GMDS: variants seen among roughly 807,000 people sequenced by gnomAD.
GMDS encodes GDP-mannose 4,6 dehydratase.
A neutral mutation model predicts 49.9 loss-of-function variants in GMDS; 20 were observed. That is an observed-to-expected ratio of 0.40 (90% CI 0.28 to 0.58). The LOEUF is 0.58. Among genes scored for constraint, GMDS ranks in the 20% least tolerant of loss-of-function variants. GMDS has a pLI of 0.42. For synonymous variants in GMDS, 177 were observed against 178.6 expected, an observed-to-expected ratio of 0.99 and a Z score of 0.07; for missense variants, 362 against 481.4, an observed-to-expected ratio of 0.75 and a Z score of 2.32.
At chr6:1,827,641 TA>T (rs1466558639) in intron 7 of GMDS, among the ~76,000 whole-genome samples, 4 of 152,312 alleles carry the variant, frequency 2.6e-5, no homozygotes, top group Non-Finnish European at 4.4e-5. Flanking sequence ...GAATTGCACA[TA>T]TTTTTTTTGG....
chr6:1,868,604 G>T lies in GMDS; in HGVS notation c.771+61499C>A, dbSNP rs150488941. Among the ~76,000 whole-genome samples, 707 of 152,302 alleles carry T rather than the reference G, an allele frequency of 4.6e-3. 4 individuals carry two copies. The highest frequency in any genetic ancestry group is 0.016 in the African/African-American group (668 of 41,566). ...TTTAATAATTTTTAGTATTCTTTAA[G>T]AATTTTACAGATGAAAAATTTTATC... is the stretch of plus-strand genomic sequence containing the variant. On this transcript the variant is annotated intron_variant, in intron 7 of 10. Coordinates refer to ENST00000380815, the MANE Select transcript of GMDS (RefSeq NM_001500.4).
At chr6:1,816,540 G>C (rs1770678742) in intron 7 of GMDS, among the ~76,000 whole-genome samples, 1 of 152,146 alleles carries the variant, frequency 6.6e-6, no homozygotes, top group Non-Finnish European at 1.5e-5. Flanking sequence ...ATCCAAAGAG[G>C]TAATATGGAA....
chr6:2,085,299 A>G (rs1772947704), intron 4 of GMDS, among the ~76,000 whole-genome samples: 2 of 151,544 alleles, frequency 1.3e-5, no homozygotes, highest in Non-Finnish European at 2.9e-5. Flanking sequence ...TTTCTCACTT[A>G]TTTTTTTCTT....
At chr6:2,099,178 T>A (rs1296033043) in intron 4 of GMDS, among the ~76,000 whole-genome samples, 1 of 152,170 alleles carries the variant, frequency 6.6e-6, no homozygotes, top group Non-Finnish European at 1.5e-5. Context: ...AATGGTCTAT[T>A]ATTATACAAA....
chr6:1,624,098 CCGCAGCGCGTCTGCACCGGA>C lies in GMDS; in HGVS notation c.*51_*70del. 7.2e-7 allele frequency: 1 copy of C among 1,392,378 alleles called. No individual in the cohort carries two copies. Among genetic ancestry groups the C allele is most frequent in the Middle Eastern group, 1.8e-4 (1 of 5,590 alleles). 86.3% of individuals were successfully genotyped at this position (1,392,378 alleles called of 1,614,324 possible). On this transcript the variant is annotated 3_prime_UTR_variant, in exon 11 of 11. Coordinates refer to ENST00000380815, the MANE Select transcript of GMDS (RefSeq NM_001500.4). ...CAGATTGGCACGCCGCTCCCCATCC[CCGCAGCGCGTCTGCACCGGA>C]GACTCTGCGGGGATTGTAGCCGGAG...
intron 7 of GMDS, among the ~76,000 whole-genome samples, chr6:1,901,394 G>GT (rs1225054261): frequency 6.6e-6 from 1 of 152,108 alleles, no homozygotes; most frequent in Non-Finnish European, 1.5e-5. Context: ...CATTAGGTCT[G>GT]TTAAGTCAGC....
chr6:2,181,170 A>G (rs1262690985), intron 1 of GMDS, among the ~76,000 whole-genome samples: 1 of 129,752 alleles, frequency 7.7e-6, no homozygotes, highest in East Asian at 2.1e-4. Flanking sequence ...GCGAGACTCC[A>G]TCTCAAAAAA....
intron 4 of GMDS, among the ~76,000 whole-genome samples, chr6:2,063,988 C>T (rs1771353709): frequency 1.3e-5 from 2 of 152,072 alleles, no homozygotes; most frequent in Admixed American, 1.3e-4. Context: ...AACTACATGC[C>T]CAAGTGTCGG....
chr6:1,882,499 A>G (rs1466947101), intron 7 of GMDS, among the ~76,000 whole-genome samples: 3 of 152,226 alleles, frequency 2.0e-5, no homozygotes, highest in Non-Finnish European at 4.4e-5. Context: ...AGTTAATTAC[A>G]AGATTCCATA....
At chr6:2,202,104 G>A (rs1054752648) in intron 1 of GMDS, among the ~76,000 whole-genome samples, 41 of 144,354 alleles carry the variant, frequency 2.8e-4, no homozygotes, top group Admixed American at 4.9e-4. Flanking sequence ...ATGCACATCC[G>A]AGATGTAACC....
chr6:1,940,286 T>G (rs1762760789), intron 6 of GMDS, among the ~76,000 whole-genome samples: 1 of 152,270 alleles, frequency 6.6e-6, no homozygotes. Context: ...TGCTCAATAC[T>G]TCATCCAAAA....
chr6:2,059,392 T>C (rs1460983009), intron 4 of GMDS, among the ~76,000 whole-genome samples: 1 of 152,042 alleles, frequency 6.6e-6, no homozygotes, highest in East Asian at 1.9e-4. Context: ...TAGAAAATTA[T>C]TCACTTATTT....
intron 1 of GMDS, among the ~76,000 whole-genome samples, chr6:2,234,800 A>G (rs1406210800): frequency 6.6e-6 from 1 of 152,192 alleles, no homozygotes; most frequent in African/African-American, 2.4e-5. Context: ...AAAAAAAGAG[A>G]AAGCATTGAA....
chr6:1,947,570 G>T (rs1023993138), intron 6 of GMDS, among the ~76,000 whole-genome samples: 1 of 152,116 alleles, frequency 6.6e-6, no homozygotes, highest in Non-Finnish European at 1.5e-5. Flanking sequence ...TACCCTCATG[G>T]GCTGGTTATC....
chr6:1,679,387 C>T (rs565852182), intron 9 of GMDS: 1 of 152,282 alleles, frequency 6.6e-6, no homozygotes, highest in South Asian at 2.1e-4. Flanking sequence ...TTAGAGGTGA[C>T]AACATCCTTA....
intron 9 of GMDS, among the ~76,000 whole-genome samples, chr6:1,721,680 A>G (rs4959149): frequency 0.29 from 44,560 of 151,752 alleles, 6,995 homozygotes; most frequent in African/African-American, 0.38. Flanking sequence ...TGGATTGACC[A>G]TTTGATGTGG....
At chr6:1,692,396 GCTGA>G (rs1168633577) in intron 9 of GMDS, among the ~76,000 whole-genome samples, 2 of 152,170 alleles carry the variant, frequency 1.3e-5, no homozygotes, top group African/African-American at 4.8e-5. Flanking sequence ...TCTAGAGAAT[GCTGA>G]CTAATACAGG....
intron 9 of GMDS, among the ~76,000 whole-genome samples, chr6:1,704,496 G>A (rs903542005): frequency 1.3e-5 from 2 of 152,156 alleles, no homozygotes; most frequent in Admixed American, 1.3e-4. Flanking sequence ...GCAAAAGGAG[G>A]AAATCAGCAA....
rs1330840690 is a variant in GMDS, at chr6:2,182,520, T to C, written c.103-57789A>G. ...ACAGGCTGACTCTCTTGTTTGGGAC[T>C]AATCAGCTGACTTATGTGAGCCAGT... On this transcript the variant is annotated intron_variant, in intron 1 of 10. Transcript: ENST00000380815. Among the ~76,000 whole-genome samples the C allele has an allele frequency of 3.3e-5, 5 of 152,252 alleles. No homozygotes were observed. In the South Asian group the frequency reaches 8.3e-4, roughly 25 times the overall value.
Sources: allele counts gnomAD v4.1 joint callset (sites outside exome capture counted in the v4.1 genomes callset), GRCh38; gene constraint gnomAD v4.1.1; transcripts MANE v1.5; gene names NCBI Gene and HGNC (gene_info 2026-07-23, HGNC 2026-07-21).